THADA: variants seen among roughly 807,000 people sequenced by gnomAD.
THADA encodes the protein THADA armadillo repeat containing.
THADA carries 213 observed loss-of-function variants against 219.8 expected under a neutral mutation model. The observed-to-expected ratio is 0.97, with a 90% CI of 0.87 to 1.09. The LOEUF is 1.09. THADA is among the 50% of genes least tolerant of loss of function. THADA has a pLI of 0.00. For synonymous variants in THADA, 1,018 were observed against 828.9 expected (o/e 1.23, Z -3.92); for missense variants, 2,956 against 2,311.3 (o/e 1.28, Z -5.72).
At chr2:43,435,650 G>A (rs1468702337) in intron 26 of THADA, among the ~76,000 whole-genome samples, 2 of 151,948 alleles carry the variant, frequency 1.3e-5, no homozygotes, top group Non-Finnish European at 2.9e-5. Flanking sequence ...AGTTGAGGTA[G>A]CATCTGCCTG....
intron 24 of THADA, among the ~76,000 whole-genome samples, chr2:43,499,266 C>T (rs1365769736): frequency 6.6e-6 from 1 of 152,178 alleles, no homozygotes; most frequent in Non-Finnish European, 1.5e-5. Context: ...TCTAAAATCC[C>T]TCATACCTAG....
chr2:43,481,163 T>C (rs1471783465), intron 26 of THADA, among the ~76,000 whole-genome samples: 1 of 152,150 alleles, frequency 6.6e-6, no homozygotes, highest in Non-Finnish European at 1.5e-5. Context: ...CTGGACTGGA[T>C]TAGATGCCCC....
At chr2:43,560,160 T>C (rs1697878367) in intron 16 of THADA, 74 bp downstream of exon 16, 3 of 1,317,278 alleles carry the variant, frequency 2.3e-6, no homozygotes, top group Non-Finnish European at 2.1e-6. Context: ...ACATGAATAA[T>C]CCTCAGATTG....
At chr2:43,266,464 G>A (rs936082931) in intron 36 of THADA, among the ~76,000 whole-genome samples, 8 of 152,138 alleles carry the variant, frequency 5.3e-5, no homozygotes, top group Non-Finnish European at 1.2e-4. Flanking sequence ...TTAGCCGGGC[G>A]TGGTGGCTGG....
chr2:43,458,937 T>C (rs571331942), intron 26 of THADA, among the ~76,000 whole-genome samples: 1 of 152,124 alleles, frequency 6.6e-6, no homozygotes, highest in Non-Finnish European at 1.5e-5. Context: ...ATTATGTTGA[T>C]CTTCAAAATA....
chr2:43,421,225 C>T (rs993446859), intron 28 of THADA, among the ~76,000 whole-genome samples: 1 of 152,196 alleles, frequency 6.6e-6, no homozygotes, highest in South Asian at 2.1e-4. Context: ...TGGTATCAGA[C>T]AGTCACATAG....
At chr2:43,453,218 A>G (rs1162587449) in intron 26 of THADA, among the ~76,000 whole-genome samples, 1 of 152,250 alleles carries the variant, frequency 6.6e-6, no homozygotes, top group East Asian at 1.9e-4. Context: ...AATAAGACTC[A>G]GGATACAAGG....
intron 28 of THADA, among the ~76,000 whole-genome samples, chr2:43,413,874 T>C (rs995863079): frequency 5.9e-5 from 9 of 152,184 alleles, no homozygotes; most frequent in Non-Finnish European, 1.2e-4. Context: ...AGCCCACCCA[T>C]ATTGTACAGT....
chr2:43,394,992 T>C (rs748282763), intron 29 of THADA, among the ~76,000 whole-genome samples: 1 of 152,212 alleles, frequency 6.6e-6, no homozygotes, highest in Non-Finnish European at 1.5e-5. Flanking sequence ...AGAAGTAAAC[T>C]TGAGACTATC....
At chr2:43,345,982 A>G (rs1427975383) in intron 29 of THADA, among the ~76,000 whole-genome samples, 1 of 152,218 alleles carries the variant, frequency 6.6e-6, no homozygotes, top group Non-Finnish European at 1.5e-5. Context: ...ATCAGCCTAC[A>G]ATTCTGTCAC....
intron 26 of THADA, among the ~76,000 whole-genome samples, chr2:43,466,286 T>C (rs946308107): frequency 1.3e-5 from 2 of 152,226 alleles, no homozygotes; most frequent in African/African-American, 2.4e-5. Context: ...AAATTCTGAA[T>C]TGAAAAAACA....
intron 29 of THADA, among the ~76,000 whole-genome samples, chr2:43,381,097 CAAAAAAAA>C (rs58711910): frequency 9.2e-5 from 5 of 54,400 alleles, no homozygotes; most frequent in South Asian, 8.3e-4. Context: ...GAGACTTTGT[CAAAAAAAA>C]AAAAAAAAAA....
rs544769548 is a variant in THADA, at chr2:43,408,777, C to G, written c.4059-10638G>C. Reference sequence around the variant, plus strand: ...TTAAACATTCCAGGCAGATAGCTATCTTTTTTATTTTAAAATATCATTATG... The same window carrying G: ...TTAAACATTCCAGGCAGATAGCTATGTTTTTTATTTTAAAATATCATTATG... On this transcript the variant is annotated intron_variant, in intron 28 of 37. Transcript: ENST00000405975. 4.6e-5 allele frequency among the ~76,000 whole-genome samples: 7 copies of G among 152,262 alleles called. No homozygotes were observed. The South Asian group carries it at 1.5e-3, about 32-fold the overall frequency.
chr2:43,492,843 C>T (rs974572219), intron 25 of THADA, among the ~76,000 whole-genome samples: 2 of 152,196 alleles, frequency 1.3e-5, no homozygotes, highest in African/African-American at 4.8e-5. Context: ...CAAGACACTT[C>T]ACCTATGAGC....
intron 25 of THADA, among the ~76,000 whole-genome samples, chr2:43,493,253 C>A (rs112617407): frequency 0.01 from 1,562 of 152,232 alleles, 24 homozygotes; most frequent in African/African-American, 0.034. Context: ...TTCCAGCAAT[C>A]TGGGAGGACA....
intron 12 of THADA, among the ~76,000 whole-genome samples, chr2:43,572,367 C>T (rs1367316564): frequency 6.6e-6 from 1 of 152,200 alleles, no homozygotes; most frequent in Admixed American, 6.5e-5. Context: ...CCAAAACACT[C>T]CACCCCTGAT....
intron 26 of THADA, among the ~76,000 whole-genome samples, chr2:43,465,765 C>T (rs1175975751): frequency 6.6e-6 from 1 of 152,202 alleles, no homozygotes; most frequent in Non-Finnish European, 1.5e-5. Flanking sequence ...CTAGACCTCA[C>T]TCCTATGCTC....
intron 31 of THADA, among the ~76,000 whole-genome samples, chr2:43,297,704 A>G (rs867062081): frequency 1.8e-4 from 14 of 78,218 alleles, no homozygotes; most frequent in East Asian, 1.2e-3. Context: ...CCGGCCAGCC[A>G]CCCCGTCCGG....
chr2:43,505,565 G>A, intron 24 of THADA, 57 bp downstream of exon 24: 1 of 1,345,452 alleles, frequency 7.4e-7, no homozygotes, highest in South Asian at 1.3e-5. Flanking sequence ...TGAAAAAAGT[G>A]AAAAACAAAA....
Sources: gnomAD v4.1 joint callset for allele counts (sites outside exome capture counted in the v4.1 genomes callset) on GRCh38, gnomAD v4.1.1 for gene constraint, MANE v1.5 for transcripts, NCBI Gene and HGNC (gene_info 2026-07-23, HGNC 2026-07-21) for gene names.